HACE1: variants seen among roughly 807,000 people sequenced by gnomAD.
The protein encoded by HACE1 is HECT domain and ankyrin repeat containing E3 ubiquitin protein ligase 1.
HACE1 carries 73 observed loss-of-function variants against 118.4 expected under a neutral mutation model. The ratio of observed to expected loss-of-function variants is 0.62; its 90% CI spans 0.51 to 0.75. HACE1 has a LOEUF of 0.75. HACE1 is among the 30% of genes least tolerant of loss of function. HACE1 has a pLI of 0.00. For synonymous variants in HACE1, 368 were observed against 374.8 expected (o/e 0.98, Z 0.21); for missense variants, 749 against 1,102.2 (o/e 0.68, Z 4.54).
At chr6:104,857,403 T>C (rs765085489) in intron 1 of HACE1, among the ~76,000 whole-genome samples, 19 of 151,652 alleles carry the variant, frequency 1.3e-4, no homozygotes, top group Non-Finnish European at 2.5e-4. Context: ...AATACTCTAG[T>C]TTCTGGGCAC....
At chr6:104,839,673 G>A (rs1774901227) in intron 5 of HACE1, among the ~76,000 whole-genome samples, 1 of 152,068 alleles carries the variant, frequency 6.6e-6, no homozygotes, top group African/African-American at 2.4e-5. Context: ...AAAATGAATA[G>A]AACTTAAAAT....
intron 22 of HACE1, among the ~76,000 whole-genome samples, chr6:104,737,710 C>T (rs574784704): frequency 2.3e-4 from 35 of 152,312 alleles, no homozygotes; most frequent in African/African-American, 7.7e-4. Context: ...GCTAGCACAG[C>T]AGTCTGAGAC....
chr6:104,786,907 T>C (rs1313091672), intron 11 of HACE1: 2 of 152,300 alleles, frequency 1.3e-5, no homozygotes, highest in East Asian at 1.9e-4. Context: ...AAGACCGCCA[T>C]GGAAGGAGAT....
At chr6:104,761,331 G>A (rs369868125) in intron 19 of HACE1, among the ~76,000 whole-genome samples, 2 of 152,110 alleles carry the variant, frequency 1.3e-5, no homozygotes. Flanking sequence ...AAACAGAATG[G>A]TACTGGTACC....
intron 19 of HACE1, among the ~76,000 whole-genome samples, chr6:104,754,708 A>G (rs1778416970): frequency 6.6e-6 from 1 of 152,238 alleles, no homozygotes; most frequent in South Asian, 2.1e-4. Flanking sequence ...CAAAGGAGAA[A>G]TAAGATCCTT....
chr6:104,796,878 C>T, intron 8 of HACE1, 51 bp downstream of exon 8: 2 of 1,169,376 alleles, frequency 1.7e-6, no homozygotes, highest in Non-Finnish European at 2.6e-6. Context: ...TTTTACCATT[C>T]CAGTTTCTAT....
intron 6 of HACE1, among the ~76,000 whole-genome samples, chr6:104,828,059 C>T (rs1361197464): frequency 6.6e-6 from 1 of 151,944 alleles, no homozygotes; most frequent in Non-Finnish European, 1.5e-5. Flanking sequence ...TCTAAATCCA[C>T]GTTATTCTGA....
At chr6:104,777,364 T>A (rs1214555700) in intron 14 of HACE1, 47 bp from the exon 15 acceptor site, 1 of 1,143,018 alleles carries the variant, frequency 8.7e-7, no homozygotes, top group South Asian at 1.2e-5. Flanking sequence ...GTATCAGTCA[T>A]CTAATTATCA....
At chr6:104,858,131 GA>G (rs1776926769) in intron 1 of HACE1, among the ~76,000 whole-genome samples, 1 of 151,950 alleles carries the variant, frequency 6.6e-6, no homozygotes, top group Non-Finnish European at 1.5e-5. Context: ...TTTCTACAAT[GA>G]AACTATATTA....
intron 10 of HACE1, among the ~76,000 whole-genome samples, chr6:104,794,311 T>C (rs1480302223): frequency 6.6e-6 from 1 of 152,204 alleles, no homozygotes. Context: ...GTATATATAA[T>C]ATGACAAATA....
In HACE1 at chr6:104,811,308, T is replaced by C; in HGVS notation, c.617+3A>G. The C allele has an allele frequency of 8.8e-7, 1 of 1,131,070 alleles. No individual in the cohort carries two copies. The highest frequency in any genetic ancestry group is 1.3e-6 in the Non-Finnish European group (1 of 753,236). The allele number at this position is 1,131,070 out of a possible 1,614,324, so 70.1% of individuals were successfully genotyped here. On this transcript the variant is annotated splice_donor_region_variant and intron_variant, in intron 7 of 23. Coordinates refer to ENST00000262903, the MANE Select transcript of HACE1 (RefSeq NM_020771.4). ...TAGCATCTGGAAATATAAAATATCA[T>C]ACCTGCAAGCAAAGTACAATGGAGT...
chr6:104,812,119 T>C (rs1273354111), intron 6 of HACE1, among the ~76,000 whole-genome samples: 1 of 106,006 alleles, frequency 9.4e-6, no homozygotes, highest in African/African-American at 4.5e-5. Flanking sequence ...TTGAAAACCT[T>C]TAAAAAAAAA....
At chr6:104,850,577 C>T (rs1776104953) in intron 3 of HACE1, among the ~76,000 whole-genome samples, 1 of 152,174 alleles carries the variant, frequency 6.6e-6, no homozygotes, top group African/African-American at 2.4e-5. Flanking sequence ...ACTTCATCTG[C>T]AGACAGCATA....
chr6:104,742,856 T>C (rs368626388), intron 22 of HACE1, among the ~76,000 whole-genome samples: 1 of 152,012 alleles, frequency 6.6e-6, no homozygotes, highest in Non-Finnish European at 1.5e-5. Context: ...TAAAGACACA[T>C]GCACACATAT....
intron 1 of HACE1, chr6:104,858,289 C>T: frequency 5.2e-6 from 1 of 191,712 alleles, no homozygotes; most frequent in Non-Finnish European, 1.1e-5. Flanking sequence ...GTAAGAGTAG[C>T]ACTTAAGAAA....
intron 10 of HACE1, among the ~76,000 whole-genome samples, chr6:104,793,059 G>A (rs1238915199): frequency 6.6e-6 from 1 of 151,866 alleles, no homozygotes; most frequent in Non-Finnish European, 1.5e-5. Context: ...ACGAGGTCAG[G>A]AGATCGAGAC....
At chr6:104,825,345 T>C (rs1268751609) in intron 6 of HACE1, among the ~76,000 whole-genome samples, 1 of 152,040 alleles carries the variant, frequency 6.6e-6, no homozygotes, top group Non-Finnish European at 1.5e-5. Context: ...CACTGATTGG[T>C]TGTAAAAAGC....
intron 6 of HACE1, among the ~76,000 whole-genome samples, chr6:104,816,794 TA>T (rs1772164331): frequency 6.6e-6 from 1 of 152,182 alleles, no homozygotes; most frequent in Non-Finnish European, 1.5e-5. Context: ...GGAAGCAGTC[TA>T]GGGGGCTGTA....
chr6:104,771,932 G>A lies in HACE1; in HGVS notation c.2007C>T (p.His669=). 6.3e-7 allele frequency: 1 copy of A among 1,596,436 alleles called. No homozygotes were observed. Among genetic ancestry groups the A allele is most frequent in the Non-Finnish European group, 8.6e-7 (1 of 1,164,546 alleles). Reference sequence around the variant, plus strand: ...ATAATAATAGAGCCATACCAAGAATGTGCTTGTAGAAGGATCGTGTGAAGT... The same window carrying A: ...ATAATAATAGAGCCATACCAAGAATATGCTTGTAGAAGGATCGTGTGAAGT... ...NIYFTRSFYK[H]ILGIPVNYQD... The change falls in exon 18 of 24, where the codon CAC becomes CAT. Residue 669 remains histidine (H), a synonymous_variant. Transcript: ENST00000262903.
Sources: allele counts gnomAD v4.1 joint callset (sites outside exome capture counted in the v4.1 genomes callset), GRCh38; gene constraint gnomAD v4.1.1; transcripts MANE v1.5; gene names NCBI Gene and HGNC (gene_info 2026-07-23, HGNC 2026-07-21).